DACH2: variants seen among roughly 807,000 people sequenced by gnomAD.
DACH2 encodes dachshund homolog 2.
A neutral mutation model predicts 35.8 loss-of-function variants in DACH2; 17 were observed. That is an observed-to-expected ratio of 0.48 (90% CI 0.33 to 0.71). DACH2 has a LOEUF of 0.71. Among genes scored for constraint, DACH2 ranks in the 30% least tolerant of loss-of-function variants. The pLI is 0.02. For missense variants in DACH2, 469 were observed against 472.7 expected (o/e 0.99, Z 0.07); for synonymous variants, 195 against 177.3 (o/e 1.10, Z -0.79).
At chrX:86,344,369 T>G (rs2035464282) in intron 1 of DACH2, among the ~76,000 whole-genome samples, 1 of 106,080 alleles carries the variant, frequency 9.4e-6, no homozygotes, top group African/African-American at 3.4e-5. Context: ...GAAATACGCA[T>G]TATGCTGAAA....
chrX:86,568,656 G>A (rs891519810), intron 3 of DACH2, among the ~76,000 whole-genome samples: 1 of 111,238 alleles, frequency 9.0e-6, no homozygotes, highest in Admixed American at 9.6e-5. Context: ...AATATAAGGT[G>A]TGAAGTGTCA....
At chrX:86,568,568 CAGTG>C (rs1373964593) in intron 3 of DACH2, among the ~76,000 whole-genome samples, 1 of 111,665 alleles carries the variant, frequency 9.0e-6, no homozygotes, top group Non-Finnish European at 1.9e-5. Context: ...GGAAGGTTAA[CAGTG>C]AGTGTTTGAG....
At chrX:86,208,122 T>C (rs1486212598) in intron 1 of DACH2, among the ~76,000 whole-genome samples, 5 of 110,859 alleles carry the variant, frequency 4.5e-5, no homozygotes, top group Non-Finnish European at 9.5e-5. Context: ...AATATTAATA[T>C]AATTACAATC....
chrX:86,302,132 T>G (rs1487289753), intron 1 of DACH2, among the ~76,000 whole-genome samples: 1 of 111,255 alleles, frequency 9.0e-6, no homozygotes, highest in Non-Finnish European at 1.9e-5. Flanking sequence ...ATATTTTATT[T>G]TATTTTATTA....
intron 3 of DACH2, among the ~76,000 whole-genome samples, chrX:86,636,755 C>T (rs901841724): frequency 6.3e-5 from 7 of 110,636 alleles, no homozygotes; most frequent in Admixed American, 9.6e-5. Context: ...ACTATAAAAA[C>T]CCTAGAATAC....
chrX:86,202,779 T>C (rs756933676), intron 1 of DACH2, among the ~76,000 whole-genome samples: 2 of 111,110 alleles, frequency 1.8e-5, no homozygotes, highest in East Asian at 5.7e-4. Context: ...AAGGGATTTG[T>C]TTGAGAACTA....
intron 5 of DACH2, among the ~76,000 whole-genome samples, chrX:86,696,623 T>C (rs2041070635): frequency 9.0e-6 from 1 of 111,588 alleles, no homozygotes; most frequent in Admixed American, 9.6e-5. Flanking sequence ...TCCACCATGC[T>C]GGAAACTAGA....
In DACH2 at chrX:86,759,378, T is replaced by C. The variant is rs139980102; in HGVS notation, c.1240+19496T>C. Among the ~76,000 whole-genome samples the C allele has an allele frequency of 4.0e-3, 442 of 111,673 alleles. 3 individuals carry two copies. Among genetic ancestry groups the C allele is most frequent in the East Asian group, 0.039 (137 of 3,546 alleles). ...TCATTATATATTTACCTTATTTGTC[T>C]CTCTCTGTTCTCTCTTTGTTGCTTT... On this transcript the variant is annotated intron_variant, in intron 7 of 11. Coordinates refer to ENST00000373125, the MANE Select transcript of DACH2 (RefSeq NM_053281.3).
chrX:86,719,458 T>C (rs1421645879), intron 6 of DACH2, among the ~76,000 whole-genome samples: 1 of 111,911 alleles, frequency 8.9e-6, no homozygotes, highest in South Asian at 3.7e-4. Flanking sequence ...TTTCTTTCTT[T>C]TGCATGATTG....
Position 86,207,424 on chromosome X carries a change from A to G in DACH2, c.488+58316A>G, listed in dbSNP as rs141165737. Among the ~76,000 whole-genome samples, 982 of 111,367 alleles carry G rather than the reference A, an allele frequency of 8.8e-3. 12 individuals carry two copies. The highest frequency in any genetic ancestry group is 0.031 in the African/African-American group (949 of 30,644). On this transcript the variant is annotated intron_variant, in intron 1 of 11. Coordinates refer to ENST00000373125, the MANE Select transcript of DACH2 (RefSeq NM_053281.3). ...TGCATCCACAGAATTGACTGGGTGTATGCTAAAATATATGTGCACCAAAAA... is the reference window on the plus strand; with the variant it reads ...TGCATCCACAGAATTGACTGGGTGTGTGCTAAAATATATGTGCACCAAAAA...
chrX:86,577,116 G>A (rs745498622), intron 3 of DACH2, among the ~76,000 whole-genome samples: 98 of 111,849 alleles, frequency 8.8e-4, no homozygotes, highest in Non-Finnish European at 1.5e-3. Flanking sequence ...TATATGTCAG[G>A]TACTACAATG....
intron 3 of DACH2, among the ~76,000 whole-genome samples, chrX:86,609,422 G>A (rs369738044): frequency 1.8e-5 from 2 of 111,859 alleles, no homozygotes; most frequent in East Asian, 5.6e-4. Context: ...TGAATTCTCT[G>A]TCAGAAAGTT....
chrX:86,742,940 G>A (rs2041672102), intron 7 of DACH2, among the ~76,000 whole-genome samples: 1 of 111,095 alleles, frequency 9.0e-6, no homozygotes, highest in Non-Finnish European at 1.9e-5. Flanking sequence ...AAATTTTTCT[G>A]TGCATATAGT....
At chrX:86,233,934 C>T (rs757760677) in intron 1 of DACH2, among the ~76,000 whole-genome samples, 6 of 111,698 alleles carry the variant, frequency 5.4e-5, no homozygotes, top group Admixed American at 2.8e-4. Flanking sequence ...TCCCACAACA[C>T]GTGAGAATTA....
intron 1 of DACH2, among the ~76,000 whole-genome samples, chrX:86,300,163 G>T (rs756950985): frequency 9.0e-6 from 1 of 110,821 alleles, no homozygotes; most frequent in South Asian, 3.8e-4. Context: ...CCCATTAGCC[G>T]TTAATTATAT....
At chrX:86,338,452 T>C (rs952050529) in intron 1 of DACH2, among the ~76,000 whole-genome samples, 6 of 111,900 alleles carry the variant, frequency 5.4e-5, no homozygotes, top group Admixed American at 9.5e-5. Context: ...TTGAACAACC[T>C]GCTCCTGAAA....
rs768134107 is a variant in DACH2 at position 86,463,656 on chromosome X, A to G, written c.528-50623A>G. 1.3e-4 allele frequency among the ~76,000 whole-genome samples: 15 copies of G among 111,703 alleles called. No homozygotes were observed. In the East Asian group the frequency reaches 4.0e-3, roughly 29 times the overall value. ...TAAAACACCAAAAGCAATAATAACA[A>G]AAGCCAAAATTGACAAATAGGATCT... On this transcript the variant is annotated intron_variant, in intron 2 of 11. Coordinates refer to ENST00000373125, the MANE Select transcript of DACH2 (RefSeq NM_053281.3).
chrX:86,403,452 C>T (rs988648796), intron 2 of DACH2, among the ~76,000 whole-genome samples: 1 of 111,776 alleles, frequency 8.9e-6, no homozygotes, highest in African/African-American at 3.3e-5. Flanking sequence ...CAGAGAAGTG[C>T]AAATCAAAAC....
At chrX:86,237,096 A>T (rs1039739322) in intron 1 of DACH2, among the ~76,000 whole-genome samples, 1 of 111,714 alleles carries the variant, frequency 9.0e-6, no homozygotes, top group African/African-American at 3.3e-5. Context: ...TAAGACACAA[A>T]AATAAACATG....
Sources: gnomAD v4.1 joint callset for allele counts (sites outside exome capture counted in the v4.1 genomes callset) on GRCh38, gnomAD v4.1.1 for gene constraint, MANE v1.5 for transcripts, NCBI Gene and HGNC (gene_info 2026-07-23, HGNC 2026-07-21) for gene names.